The following CASZ1 variants were observed in gnomAD, a reference collection of about 807,000 sequenced individuals.
CASZ1 encodes castor zinc finger 1.
A neutral mutation model predicts 135.2 loss-of-function variants in CASZ1; 28 were observed. The observed-to-expected ratio is 0.21, with a 90% CI of 0.15 to 0.28. The LOEUF is 0.28. Among genes scored for constraint, CASZ1 ranks in the 10% least tolerant of loss-of-function variants. The probability of loss-of-function intolerance (pLI) is 1.00; values close to 1 mark genes in which losing one functional copy is unlikely to be tolerated. For missense variants in CASZ1, 2,161 were observed against 2,453.3 expected, an observed-to-expected ratio of 0.88 and a Z score of 2.52; for synonymous variants, 1,068 against 1,073.4, an observed-to-expected ratio of 0.99 and a Z score of 0.10.
At chr1:10,787,054 C>T (rs1319800054) in intron 1 of CASZ1, among the ~76,000 whole-genome samples, 5 of 152,182 alleles carry the variant, frequency 3.3e-5, no homozygotes, top group African/African-American at 1.2e-4. Context: ...ATGATAAATT[C>T]TTCGTTACGT....
rs1483209456 is a variant in CASZ1 at position 10,794,653 on chromosome 1, C to T, written c.-234+1911G>A. 2.0e-5 allele frequency among the ~76,000 whole-genome samples: 3 copies of T among 152,328 alleles called. No homozygotes were observed. Among genetic ancestry groups the T allele is most frequent in the East Asian group, 1.9e-4 (1 of 5,180 alleles). The stretch of plus-strand genomic sequence containing the variant: ...TGGAGGAAGAGGGGGTCCCCTGCCT[C>T]CCTCAGCGCTCCACTAGCCTCCCCC... On this transcript the variant is annotated intron_variant, in intron 1 of 20. Transcript: ENST00000377022. The surrounding 1 kb of genome is among the most constrained non-coding windows in gnomAD (Gnocchi z 5.6).
chr1:10,781,130 G>T (rs1365157129), intron 1 of CASZ1, among the ~76,000 whole-genome samples: 1 of 152,222 alleles, frequency 6.6e-6, no homozygotes, highest in Non-Finnish European at 1.5e-5. Flanking sequence ...TCAGGATGCT[G>T]GTCCTGGCTC....
intron 3 of CASZ1, 88 bp from the exon 4 acceptor site, chr1:10,694,000 C>T (rs1304948405): frequency 1.1e-5 from 15 of 1,323,096 alleles, no homozygotes; most frequent in Admixed American, 1.1e-4. Flanking sequence ...CCCTGCTTGT[C>T]CCCCGCCCCG....
At chr1:10,664,375 G>A (rs1322030905) in intron 5 of CASZ1, among the ~76,000 whole-genome samples, 1 of 152,030 alleles carries the variant, frequency 6.6e-6, no homozygotes, top group East Asian at 1.9e-4. Context: ...GCGCAGGGCT[G>A]CTCTCGATCC....
At chr1:10,656,600 C>G in intron 8 of CASZ1, 46 bp downstream of exon 8, 1 of 1,402,828 alleles carries the variant, frequency 7.1e-7, no homozygotes. Context: ...CGCCTCCATG[C>G]TGTGCTGGTG....
rs536841361 is a variant in CASZ1, at chr1:10,776,727, C to T, written c.-233-15870G>A. Among the ~76,000 whole-genome samples the T allele has an allele frequency of 3.9e-4, 60 of 152,262 alleles. No individual in the cohort carries two copies. Among genetic ancestry groups the T allele is most frequent in the African/African-American group, 1.0e-3 (43 of 41,552 alleles). On this transcript the variant is annotated intron_variant, in intron 1 of 20. Transcript: ENST00000377022. The surrounding 1 kb of genome is among the most constrained non-coding windows in gnomAD (Gnocchi z 4.1). ...GCATGGCACAGCTGCGGACTCCAGA[C>T]GGTGGCAAGAAGCTCCAGCCATCCT...
intron 4 of CASZ1, among the ~76,000 whole-genome samples, chr1:10,668,454 G>A (rs1643305190): frequency 1.3e-5 from 2 of 152,252 alleles, no homozygotes; most frequent in Non-Finnish European, 2.9e-5. Flanking sequence ...GAACAATACT[G>A]CCCAGGAGGC....
chr1:10,669,047 C>T (rs1643325159), intron 4 of CASZ1, among the ~76,000 whole-genome samples: 1 of 152,228 alleles, frequency 6.6e-6, no homozygotes, highest in Admixed American at 6.5e-5. Context: ...GCAGGTCTCC[C>T]CGCAGGTCTC....
intron 2 of CASZ1, among the ~76,000 whole-genome samples, chr1:10,753,007 A>G (rs997172151): frequency 2.0e-5 from 3 of 152,244 alleles, no homozygotes; most frequent in Non-Finnish European, 4.4e-5. Flanking sequence ...ATTGCACTCC[A>G]GCCTGGGCAG....
At chr1:10,686,532 G>A (rs953183780) in intron 4 of CASZ1, among the ~76,000 whole-genome samples, 12 of 152,142 alleles carry the variant, frequency 7.9e-5, no homozygotes, top group Non-Finnish European at 1.0e-4. Context: ...GGGGACACTC[G>A]GGCCTCTGGA....
rs1456035810 is a variant in CASZ1 at position 10,694,725 on chromosome 1, T to G, written c.-23-813A>C. On this transcript the variant is annotated intron_variant, in intron 3 of 20. Coordinates refer to ENST00000377022, the MANE Select transcript of CASZ1 (RefSeq NM_001079843.3). This position sits in a 1 kb window ranked among gnomAD's most constrained non-coding sequence, Gnocchi z 6.6. ...CCCGCCGCGCGCGCCCGCGCCGCAC[T>G]GGCAGGGCGGCCGGCTCCATTGGCT... Among the ~76,000 whole-genome samples, 2 of 140,774 alleles carry G rather than the reference T, an allele frequency of 1.4e-5. No individual in the cohort carries two copies. Among genetic ancestry groups the G allele is most frequent in the African/African-American group, 2.5e-5 (1 of 39,444 alleles). 92.4% of individuals were successfully genotyped at this position (140,774 alleles called of 152,430 possible).
chr1:10,640,192 G>T, intron 20 of CASZ1, 133 bp from the exon 21 acceptor site: 1 of 1,335,294 alleles, frequency 7.5e-7, no homozygotes, highest in Non-Finnish European at 1.0e-6. Context: ...GGCTTCCCCT[G>T]GCTTGGGAGG....
At chr1:10,667,670 G>A (rs1643277010) in intron 4 of CASZ1, among the ~76,000 whole-genome samples, 1 of 152,200 alleles carries the variant, frequency 6.6e-6, no homozygotes, top group Admixed American at 6.5e-5. Context: ...GGGGGAGCCT[G>A]CACTATTTTT....
rs1470990992 is a variant in CASZ1, at chr1:10,726,873, G to A, written c.-76-21329C>T. On this transcript the variant is annotated intron_variant, in intron 2 of 20. Coordinates refer to ENST00000377022, the MANE Select transcript of CASZ1 (RefSeq NM_001079843.3). The surrounding 1 kb of genome is among the most constrained non-coding windows in gnomAD (Gnocchi z 5.7). ...TTCCCTGGCCTGCTCCGTGTCCTGG[G>A]GGAAATGGTTCAGGGAATGAATCAG... 6.6e-6 allele frequency among the ~76,000 whole-genome samples: 1 copy of A among 152,144 alleles called. No individual in the cohort carries two copies. Among genetic ancestry groups the A allele is most frequent in the Non-Finnish European group, 1.5e-5 (1 of 68,026 alleles).
intron 2 of CASZ1, among the ~76,000 whole-genome samples, chr1:10,733,542 C>T (rs1639741267): frequency 6.6e-6 from 1 of 152,212 alleles, no homozygotes; most frequent in African/African-American, 2.4e-5. Flanking sequence ...TCCACCCTCA[C>T]TGGTCCCTGC....
intron 2 of CASZ1, among the ~76,000 whole-genome samples, chr1:10,758,917 C>A (rs1640310679): frequency 6.6e-6 from 1 of 152,192 alleles, no homozygotes; most frequent in African/African-American, 2.4e-5. Flanking sequence ...GCTTCATTAT[C>A]AAGTCCAAGA....
chr1:10,746,748 G>T (rs1419358175), intron 2 of CASZ1, among the ~76,000 whole-genome samples: 1 of 152,252 alleles, frequency 6.6e-6, no homozygotes, highest in Non-Finnish European at 1.5e-5. Context: ...AGAGCGGAGG[G>T]TGAGCTTTTT....
chr1:10,777,944 A>T lies in CASZ1; in HGVS notation c.-233-17087T>A, dbSNP rs149068427. 6.6e-6 allele frequency among the ~76,000 whole-genome samples: 1 copy of T among 151,850 alleles called. No homozygotes were observed. Among genetic ancestry groups the T allele is most frequent in the South Asian group, 2.1e-4 (1 of 4,792 alleles). On this transcript the variant is annotated intron_variant, in intron 1 of 20. Coordinates refer to ENST00000377022, the MANE Select transcript of CASZ1 (RefSeq NM_001079843.3). This position sits in a 1 kb window ranked among gnomAD's most constrained non-coding sequence, Gnocchi z 4.4. The stretch of plus-strand genomic sequence containing the variant: ...ACAGTCTTCCACACCATTTCACACT[A>T]TGTCACAACCACATACAATCTCATA...
chr1:10,669,934 G>A (rs938517154), intron 4 of CASZ1, among the ~76,000 whole-genome samples: 3 of 152,210 alleles, frequency 2.0e-5, no homozygotes, highest in Non-Finnish European at 2.9e-5. Flanking sequence ...TTCTCCCTGC[G>A]CGTCCCTTCT....
Sources: allele counts gnomAD v4.1 joint callset (sites outside exome capture counted in the v4.1 genomes callset), GRCh38; gene constraint gnomAD v4.1.1; non-coding constraint Gnocchi (gnomAD v3.1); transcripts MANE v1.5; gene names NCBI Gene and HGNC (gene_info 2026-07-23, HGNC 2026-07-21).